The following PDE2A variants were observed in gnomAD, a reference collection of about 807,000 sequenced individuals.
The protein encoded by PDE2A is phosphodiesterase 2A.
PDE2A carries 53 observed loss-of-function variants against 133.6 expected under a neutral mutation model. The ratio of observed to expected loss-of-function variants is 0.40; its 90% CI spans 0.32 to 0.50. PDE2A has a LOEUF of 0.50. PDE2A is among the 20% of genes least tolerant of loss of function. PDE2A has a pLI of 0.73. For missense variants in PDE2A, 796 were observed against 1,232.4 expected (o/e 0.65, Z 5.30); for synonymous variants, 491 against 490.2 (o/e 1.00, Z -0.02).
chr11:72,649,882 C>T (rs1287321796), intron 1 of PDE2A, among the ~76,000 whole-genome samples: 1 of 152,156 alleles, frequency 6.6e-6, no homozygotes, highest in Admixed American at 6.5e-5. Context: ...TTCTTAGCAG[C>T]TCTAACAACC....
intron 2 of PDE2A, among the ~76,000 whole-genome samples, chr11:72,610,234 C>G (rs1326714309): frequency 6.6e-6 from 1 of 152,178 alleles, no homozygotes; most frequent in Admixed American, 6.5e-5. Context: ...CATGGACAGC[C>G]TGGGGACCCA....
rs1378283406 is a variant in PDE2A at position 72,597,796 on chromosome 11, A to C, written c.324-177T>G. On this transcript the variant is annotated intron_variant, in intron 4 of 30. Transcript: ENST00000334456. The surrounding 1 kb of genome is among the most constrained non-coding windows in gnomAD (Gnocchi z 4.6). ...AAAAAAGTAGGGGACCCTGGACCCTATGTGGAGAAACAGGCAGCCACAGTT... is the reference window on the plus strand; with the variant it reads ...AAAAAAGTAGGGGACCCTGGACCCTCTGTGGAGAAACAGGCAGCCACAGTT... Among the ~76,000 whole-genome samples the C allele has an allele frequency of 6.6e-6, 1 of 152,206 alleles. No individual in the cohort carries two copies. The highest frequency in any genetic ancestry group is 2.4e-5 in the African/African-American group (1 of 41,452).
intron 1 of PDE2A, among the ~76,000 whole-genome samples, chr11:72,662,373 C>T (rs1370171296): frequency 6.6e-6 from 1 of 152,138 alleles, no homozygotes; most frequent in East Asian, 1.9e-4. Context: ...GACTCGCCTC[C>T]CAGGGAGGCC....
chr11:72,643,152 A>T (rs757531357), intron 1 of PDE2A: 1 of 152,196 alleles, frequency 6.6e-6, no homozygotes, highest in Non-Finnish European at 1.5e-5. Flanking sequence ...TTCTCCGCAG[A>T]GCGGCTTCTG....
At chr11:72,632,995 C>T (rs1858492676) in intron 2 of PDE2A, among the ~76,000 whole-genome samples, 1 of 152,194 alleles carries the variant, frequency 6.6e-6, no homozygotes, top group South Asian at 2.1e-4. Flanking sequence ...TGTTTATCAC[C>T]CTCCTATCTC....
intron 4 of PDE2A, chr11:72,599,091 C>A: frequency 2.1e-6 from 2 of 948,958 alleles, no homozygotes; most frequent in African/African-American, 1.8e-5. Flanking sequence ...ATCTGGTTAA[C>A]CGGAGGCCAC....
chr11:72,590,373 C>A lies in PDE2A; in HGVS notation c.703+54G>T. On this transcript the variant is annotated intron_variant, in intron 8 of 30. Transcript: ENST00000334456. The surrounding 1 kb of genome is among the most constrained non-coding windows in gnomAD (Gnocchi z 4.8). ...GGGATCGCCTAACCCGCCCACCTCC[C>A]CTCCAAGTTCTGCCCGGCCCCGCCC... 6.4e-7 allele frequency: 1 copy of A among 1,558,454 alleles called. No individual in the cohort carries two copies. The highest frequency in any genetic ancestry group is 8.7e-7 in the Non-Finnish European group (1 of 1,150,516).
chr11:72,628,649 G>T (rs61417743), intron 2 of PDE2A, among the ~76,000 whole-genome samples: 7 of 152,164 alleles, frequency 4.6e-5, no homozygotes, highest in Non-Finnish European at 1.0e-4. Flanking sequence ...TTCTTATCCC[G>T]CCTGGCAGGT....
intron 1 of PDE2A, among the ~76,000 whole-genome samples, chr11:72,656,573 C>T (rs1357401374): frequency 1.3e-5 from 2 of 152,156 alleles, no homozygotes; most frequent in African/African-American, 4.8e-5. Context: ...CTCCACCCCA[C>T]TCCCACCCCC....
intron 2 of PDE2A, among the ~76,000 whole-genome samples, chr11:72,627,035 C>T (rs532476735): frequency 1.3e-5 from 2 of 152,272 alleles, no homozygotes; most frequent in East Asian, 3.9e-4. Context: ...CGGTTGGTGC[C>T]CTTGACCCTC....
chr11:72,642,702 A>G (rs1230442950), intron 1 of PDE2A, among the ~76,000 whole-genome samples: 2 of 151,836 alleles, frequency 1.3e-5, no homozygotes, highest in African/African-American at 2.4e-5. Flanking sequence ...CGCATCTCGC[A>G]GGGGCCGCTC....
At chr11:72,656,587 C>T (rs1854907092) in intron 1 of PDE2A, among the ~76,000 whole-genome samples, 1 of 152,152 alleles carries the variant, frequency 6.6e-6, no homozygotes, top group Non-Finnish European at 1.5e-5. Context: ...CACCCCCAAA[C>T]AGGCCAGACA....
rs544332384 is a variant in PDE2A, at chr11:72,664,447, C to T, written c.71+9690G>A. ...GGAGTGCAGTGGCACAATCTCGGCT[C>T]ACTGCAAGCTCCGCCTCCTGAGTTC... On this transcript the variant is annotated intron_variant, in intron 1 of 30. Coordinates refer to ENST00000334456, the MANE Select transcript of PDE2A (RefSeq NM_002599.5). Among the ~76,000 whole-genome samples, 16 of 136,716 alleles carry T rather than the reference C, an allele frequency of 1.2e-4. No individual in the cohort carries two copies. The East Asian group carries it at 3.6e-3, about 31-fold the overall frequency. 89.7% of individuals were successfully genotyped at this position (136,716 alleles called of 152,430 possible).
At chr11:72,588,351 G>T (rs1856073357) in intron 13 of PDE2A, among the ~76,000 whole-genome samples, 1 of 151,816 alleles carries the variant, frequency 6.6e-6, no homozygotes. Context: ...AGATTTTTGT[G>T]TATCATTTTT....
chr11:72,630,083 A>C (rs1006894990), intron 2 of PDE2A, among the ~76,000 whole-genome samples: 3 of 152,096 alleles, frequency 2.0e-5, no homozygotes, highest in African/African-American at 7.2e-5. Context: ...CCCTTTGAGC[A>C]CTGAAGAGTC....
At chr11:72,636,992 G>A (rs894416018) in intron 2 of PDE2A, among the ~76,000 whole-genome samples, 8 of 152,182 alleles carry the variant, frequency 5.3e-5, no homozygotes, top group Non-Finnish European at 1.2e-4. Context: ...GACCCAGCCG[G>A]CTGGCACCCA....
rs561602989 is a variant in PDE2A at position 72,591,211 on chromosome 11, C to T, written c.549+86G>A. 5.3e-6 allele frequency: 6 copies of T among 1,122,606 alleles called. No homozygotes were observed. The African/African-American group carries it at 9.2e-5, about 17-fold the overall frequency. 69.5% of individuals were successfully genotyped at this position (1,122,606 alleles called of 1,614,324 possible). The stretch of plus-strand genomic sequence containing the variant: ...GCAAAGCCGAAGCTGAAACCCAGGT[C>T]TGTCCAGCTCCCTGGCCAGGCCATC... On this transcript the variant is annotated intron_variant, in intron 7 of 30. Transcript: ENST00000334456.
At chr11:72,664,364 A>ATTTTTTTTTTTTTTTTTTTTTT (rs34217943) in intron 1 of PDE2A, among the ~76,000 whole-genome samples, 2 of 70,104 alleles carry the variant, frequency 2.9e-5, no homozygotes, top group African/African-American at 6.0e-5. Context: ...CCCTTGAAGG[A>ATTTTTTTTTTTTTTTTTTTTTT]TTTTTTTTTT....
chr11:72,634,262 T>C (rs1016471442), intron 2 of PDE2A, among the ~76,000 whole-genome samples: 2 of 152,014 alleles, frequency 1.3e-5, no homozygotes, highest in South Asian at 2.1e-4. Context: ...CCGGGGACAA[T>C]GGAGCCTTGT....
Sources: allele counts gnomAD v4.1 joint callset (sites outside exome capture counted in the v4.1 genomes callset), GRCh38; gene constraint gnomAD v4.1.1; non-coding constraint Gnocchi (gnomAD v3.1); transcripts MANE v1.5; gene names NCBI Gene and HGNC (gene_info 2026-07-23, HGNC 2026-07-21).